R3HDM2: variants seen among roughly 807,000 people sequenced by gnomAD.
The protein encoded by R3HDM2 is R3H domain containing 2.
A neutral mutation model predicts 124.5 loss-of-function variants in R3HDM2; 38 were observed. That is an observed-to-expected ratio of 0.31 (90% confidence interval 0.24 to 0.40). R3HDM2 has a LOEUF of 0.40. Among genes scored for constraint, R3HDM2 ranks in the 10% least tolerant of loss-of-function variants. The probability of loss-of-function intolerance (pLI) is 1.00; values close to 1 mark genes in which losing one functional copy is unlikely to be tolerated. For synonymous variants in R3HDM2, 391 were observed against 448.0 expected (o/e 0.87, Z 1.61); for missense variants, 869 against 1,236.9 (o/e 0.70, Z 4.46).
At position 57,296,627 on chromosome 12, in the gene R3HDM2, A is replaced by G. The variant is rs1029021306; in HGVS notation, c.561-76T>C. 2 of 1,413,282 alleles carry G rather than the reference A, an allele frequency of 1.4e-6. No individual in the cohort carries two copies. The highest frequency in any genetic ancestry group is 1.4e-5 in the African/African-American group (1 of 69,280). 87.5% of individuals were successfully genotyped at this position (1,413,282 alleles called of 1,614,324 possible). A position where few individuals can be genotyped will look rare whatever the true frequency, so the allele number is the denominator to read the frequency against. On this transcript the variant is annotated intron_variant, in intron 8 of 23. Transcript: ENST00000402412. The surrounding 1 kb of genome is among the most constrained non-coding windows in gnomAD (Gnocchi z 4.5). ...AACAACCAATTTTAATTTTTCTTAC[A>G]AGTGTCTAAAGTGGAAAGTTTCTTA...
At position 57,268,431 on chromosome 12, in the gene R3HDM2, A is replaced by G; in HGVS notation, c.1902T>C (p.Asn634=). 2 of 1,614,028 alleles carry G rather than the reference A, an allele frequency of 1.2e-6. No homozygotes were observed. Among genetic ancestry groups the G allele is most frequent in the Non-Finnish European group, 1.7e-6 (2 of 1,179,992 alleles). ...YQVPVGSDSQ[N]VVQPPFQQPM... The stretch of plus-strand genomic sequence containing the variant: ...GTTGCTGGAAAGGCGGCTGGACCAC[A>G]TTTTGCGAGTCACTACCCACTGGAA... The change falls in exon 18 of 24, where the codon AAT becomes AAC. Residue 634 remains asparagine, a synonymous_variant. Coordinates refer to ENST00000402412, the MANE Select transcript of R3HDM2 (RefSeq NM_001394031.1).
chr12:57,331,275 A>G (rs1258825420), intron 2 of R3HDM2, among the ~76,000 whole-genome samples: 2 of 152,254 alleles, frequency 1.3e-5, no homozygotes, highest in African/African-American at 4.8e-5. Flanking sequence ...ATGGGTCTCC[A>G]TCTCACTCAG....
At chr12:57,403,073 G>C (rs964758218) in intron 1 of R3HDM2, among the ~76,000 whole-genome samples, 6 of 151,946 alleles carry the variant, frequency 3.9e-5, no homozygotes, top group African/African-American at 7.3e-5. Context: ...GAGCAAGATG[G>C]GGCCAGGCAC....
intron 2 of R3HDM2, among the ~76,000 whole-genome samples, chr12:57,363,685 A>C (rs2062228941): frequency 6.6e-6 from 1 of 152,172 alleles, no homozygotes; most frequent in South Asian, 2.1e-4. Context: ...TGTAACCCAT[A>C]AATATATACA....
intron 2 of R3HDM2, among the ~76,000 whole-genome samples, chr12:57,390,549 TA>T (rs1280041240): frequency 6.6e-6 from 1 of 151,664 alleles, no homozygotes; most frequent in Non-Finnish European, 1.5e-5. Context: ...ATAAAATAAT[TA>T]GCCAAGCAAG....
chr12:57,412,651 A>T (rs2069111325), intron 1 of R3HDM2, among the ~76,000 whole-genome samples: 1 of 152,166 alleles, frequency 6.6e-6, no homozygotes, highest in Non-Finnish European at 1.5e-5. Flanking sequence ...AGAAGATATA[A>T]AGAGGGAAAC....
chr12:57,371,083 C>CTTTTTTTTTTT (rs775839017), intron 2 of R3HDM2, among the ~76,000 whole-genome samples: 1,410 of 40,894 alleles, frequency 0.034, 371 homozygotes, highest in Middle Eastern at 0.083. Flanking sequence ...TATACCATTA[C>CTTTTTTTTTTT]TTTTTTTTTT....
intron 14 of R3HDM2, among the ~76,000 whole-genome samples, chr12:57,274,396 C>T (rs1178400328): frequency 2.0e-5 from 3 of 152,166 alleles, no homozygotes; most frequent in Non-Finnish European, 2.9e-5. Context: ...ATCGCTTGAA[C>T]CTGGGAGGCA....
intron 2 of R3HDM2, among the ~76,000 whole-genome samples, chr12:57,376,094 T>G (rs1287443534): frequency 6.6e-6 from 1 of 152,258 alleles, no homozygotes; most frequent in Non-Finnish European, 1.5e-5. Flanking sequence ...TTTTGAGTTC[T>G]GGCACTCTTG....
At chr12:57,280,333 A>T (rs1430907860) in intron 14 of R3HDM2, 25 bp downstream of exon 14, 2 of 1,601,066 alleles carry the variant, frequency 1.2e-6, no homozygotes, top group African/African-American at 2.7e-5. Context: ...AGTGGAGAGG[A>T]CTCTGACACT....
chr12:57,414,216 G>A (rs1326085094), intron 1 of R3HDM2, among the ~76,000 whole-genome samples: 2 of 150,680 alleles, frequency 1.3e-5, no homozygotes, highest in Non-Finnish European at 3.0e-5. Context: ...CCAGACACAG[G>A]GGCTCATGCC....
At chr12:57,268,694 C>T (rs978827316) in intron 17 of R3HDM2, 4 of 697,030 alleles carry the variant, frequency 5.7e-6, no homozygotes, top group Non-Finnish European at 7.0e-6. Flanking sequence ...CCTTTAGCCA[C>T]TACTTTCCTG....
intron 2 of R3HDM2, among the ~76,000 whole-genome samples, chr12:57,383,468 C>T (rs1193872800): frequency 1.3e-5 from 2 of 151,670 alleles, no homozygotes; most frequent in African/African-American, 2.4e-5. Context: ...TTTGGAAGGC[C>T]GAGGTGGGTG....
intron 1 of R3HDM2, among the ~76,000 whole-genome samples, chr12:57,409,152 G>C (rs2068786729): frequency 6.6e-6 from 1 of 152,034 alleles, no homozygotes; most frequent in Non-Finnish European, 1.5e-5. Context: ...GCCTCCTAAT[G>C]ATCCCAAGTA....
chr12:57,272,941 G>A (rs1165016002), intron 14 of R3HDM2, among the ~76,000 whole-genome samples: 1 of 152,058 alleles, frequency 6.6e-6, no homozygotes, highest in African/African-American at 2.4e-5. Context: ...ACAATTCCTG[G>A]GGAGCATGAT....
chr12:57,423,930 C>T (rs1437674710), intron 1 of R3HDM2, among the ~76,000 whole-genome samples: 1 of 148,024 alleles, frequency 6.8e-6, no homozygotes, highest in Non-Finnish European at 1.5e-5. Flanking sequence ...GCCTGACCAA[C>T]ATGGAGAAAA....
chr12:57,317,668 TAAAA>T (rs562475743), intron 2 of R3HDM2, among the ~76,000 whole-genome samples: 1,324 of 108,088 alleles, frequency 0.012, 24 homozygotes, highest in African/African-American at 0.045. Context: ...AGAAGATAGT[TAAAA>T]AAAAAAAAAA....
At chr12:57,359,477 G>A (rs1007082683) in intron 2 of R3HDM2, among the ~76,000 whole-genome samples, 6 of 152,044 alleles carry the variant, frequency 3.9e-5, no homozygotes, top group East Asian at 3.8e-4. Flanking sequence ...TCTTTGTTCC[G>A]AAATCTACTT....
chr12:57,362,418 C>T (rs1337241064), intron 2 of R3HDM2, among the ~76,000 whole-genome samples: 1 of 152,188 alleles, frequency 6.6e-6, no homozygotes, highest in Non-Finnish European at 1.5e-5. Flanking sequence ...AATACATATA[C>T]AAAATATGTT....
Sources: gnomAD v4.1 joint callset for allele counts (sites outside exome capture counted in the v4.1 genomes callset) on GRCh38, gnomAD v4.1.1 for gene constraint, Gnocchi (gnomAD v3.1) non-coding constraint, MANE v1.5 for transcripts, NCBI Gene and HGNC (gene_info 2026-07-23, HGNC 2026-07-21) for gene names.